OPA3: variants seen among roughly 807,000 people sequenced by gnomAD.
The protein encoded by OPA3 is outer mitochondrial membrane lipid metabolism regulator OPA3.
Under a neutral mutation model 4.0 loss-of-function variants are expected in OPA3, and 6 were observed. The ratio of observed to expected loss-of-function variants is 1.51; its 90% CI spans 0.83 to 2.99. OPA3 has a LOEUF of 2.99. Among genes scored for constraint, OPA3 ranks in the 30% most tolerant of loss-of-function variants. The pLI, the probability that OPA3 is intolerant of heterozygous loss-of-function variation, is 0.00. For missense variants in OPA3, 235 were observed against 256.2 expected (o/e 0.92, Z 0.56); for synonymous variants, 105 against 117.1 (o/e 0.90, Z 0.67).
Position 45,553,676 on chromosome 19 carries a change from CACCTCGTCCCGCA to C in OPA3, c.365_377del (p.Leu122ArgfsTer62). The C allele has an allele frequency of 6.2e-7, 1 of 1,605,148 alleles. No homozygotes were observed. Among genetic ancestry groups the C allele is most frequent in the Non-Finnish European group, 8.5e-7 (1 of 1,178,482 alleles). On this transcript the variant is annotated frameshift_variant, in exon 2 of 2. Transcript: ENST00000263275. LOFTEE classifies it low-confidence loss of function (END_TRUNC). ...CTTCCAGCGCCAGCGCCAGGTGGCC[CACCTCGTCCCGCA>C]GCGCGTTCCAGGCAGCACGCTGCTC...
At position 45,548,728 on chromosome 19, in the gene OPA3, C is replaced by T; in HGVS notation, c.*4786G>A. ...GGTCCATGTCCCGGTGCGGGACCACCTCAGTGAGTTTTTTGAGTGAAAGAA... is the reference window on the plus strand; with the variant it reads ...GGTCCATGTCCCGGTGCGGGACCACTTCAGTGAGTTTTTTGAGTGAAAGAA... On this transcript the variant is annotated 3_prime_UTR_variant, in exon 2 of 2. Transcript: ENST00000263275. The T allele has an allele frequency of 1.0e-6, 1 of 982,718 alleles. No individual in the cohort carries two copies. Among genetic ancestry groups the T allele is most frequent in the Non-Finnish European group, 1.2e-6 (1 of 827,812 alleles). 60.9% of individuals were successfully genotyped at this position (982,718 alleles called of 1,614,324 possible).
At chr19:45,580,059 C>G (rs773120557) in intron 1 of OPA3, among the ~76,000 whole-genome samples, 2 of 148,612 alleles carry the variant, frequency 1.3e-5, no homozygotes, top group African/African-American at 4.9e-5. Flanking sequence ...TGTAGTGGCA[C>G]GATCTCGGCT....
intron 1 of OPA3, among the ~76,000 whole-genome samples, chr19:45,562,343 CA>C (rs1218744939): frequency 7.8e-4 from 54 of 69,522 alleles, no homozygotes; most frequent in Admixed American, 1.5e-3. Flanking sequence ...GACTCCATCT[CA>C]AAAAAAAAAA....
chr19:45,528,955 A>G, exon 2 of OPA3: 1 of 1,402,660 alleles, frequency 7.1e-7, no homozygotes, highest in Admixed American at 2.2e-5. Context: ...GGGTGGTGTC[A>G]GCTGGGCCGG....
intron 1 of OPA3, among the ~76,000 whole-genome samples, chr19:45,537,281 C>A (rs1056808681): frequency 2.7e-5 from 4 of 150,458 alleles, no homozygotes; most frequent in African/African-American, 9.8e-5. Flanking sequence ...CTCCGCCTCC[C>A]AGCTACTCAG....
intron 1 of OPA3, among the ~76,000 whole-genome samples, chr19:45,560,849 C>T (rs1294939213): frequency 1.3e-5 from 2 of 152,148 alleles, no homozygotes; most frequent in East Asian, 1.9e-4. Flanking sequence ...GAGATTTCCC[C>T]GGGAAAGGAG....
chr19:45,584,391 G>A (rs1365637838), intron 1 of OPA3: 9 of 985,274 alleles, frequency 9.1e-6, no homozygotes, highest in Non-Finnish European at 1.1e-5. Flanking sequence ...TTCCTTTATC[G>A]GCTGGCATTT....
intron 1 of OPA3, among the ~76,000 whole-genome samples, chr19:45,535,762 CTT>C (rs370775683): frequency 1.6e-5 from 2 of 122,952 alleles, no homozygotes; most frequent in Non-Finnish European, 3.3e-5. Context: ...TTTTTCTTTT[CTT>C]TTTTTTTTTT....
At chr19:45,574,415 G>GAAAAAAAAAAAAAAAAAAAAAAA (rs1275323227) in intron 1 of OPA3, among the ~76,000 whole-genome samples, 1 of 125,928 alleles carries the variant, frequency 7.9e-6, no homozygotes, top group Non-Finnish European at 1.7e-5. Context: ...AAAAAAAAAA[G>GAAAAAAAAAAAAAAAAAAAAAAA]AAAAAAAAAA....
rs1969358714 is a variant in OPA3 at position 45,552,981 on chromosome 19, G to GT, written c.*532dup. The GT allele has an allele frequency of 7.1e-6, 7 of 992,046 alleles. No individual in the cohort carries two copies. The highest frequency in any genetic ancestry group is 8.4e-6 in the Non-Finnish European group (7 of 834,210). The allele number at this position is 992,046 out of a possible 1,614,324, so 61.5% of individuals were successfully genotyped here. A position where few individuals can be genotyped will look rare whatever the true frequency, so the allele number is the denominator to read the frequency against. On this transcript the variant is annotated 3_prime_UTR_variant, in exon 2 of 2. Transcript: ENST00000263275. ...GTGAGCCACCGCTCCCAGCCGCACC[G>GT]TTTTTTTCCTCCTTAAGAGAGCACT...
At chr19:45,579,484 G>C (rs1176546977) in intron 1 of OPA3, among the ~76,000 whole-genome samples, 2 of 152,068 alleles carry the variant, frequency 1.3e-5, no homozygotes, top group East Asian at 1.9e-4. Context: ...GCCTCCCAAA[G>C]TGCTGGGATT....
At chr19:45,545,180 A>AC (rs1491457641), downstream of OPA3, among the ~76,000 whole-genome samples, 14 of 138,724 alleles carry the variant, frequency 1.0e-4, no homozygotes, top group South Asian at 6.7e-4. Flanking sequence ...AAAAAAAAAC[A>AC]AAAAAACAAA....
In OPA3 at chr19:45,548,565, C is replaced by A. The variant is rs544881797; in HGVS notation, c.*4949G>T. 1 of 985,230 alleles carries A rather than the reference C, an allele frequency of 1.0e-6. No homozygotes were observed. The highest frequency in any genetic ancestry group is 1.2e-6 in the Non-Finnish European group (1 of 829,948). The allele number at this position is 985,230 out of a possible 1,614,324, so 61.0% of individuals were successfully genotyped here. A position where few individuals can be genotyped will look rare whatever the true frequency, so the allele number is the denominator to read the frequency against. ...TGTGAGCATCTGTAAGACCCGGTGA[C>A]GGCAGGGCTGGGGCTGTCTCTGTCA... On this transcript the variant is annotated 3_prime_UTR_variant, in exon 2 of 2. Transcript: ENST00000263275.
chr19:45,561,958 T>C (rs998838434), intron 1 of OPA3, among the ~76,000 whole-genome samples: 15 of 147,448 alleles, frequency 1.0e-4, no homozygotes, highest in Non-Finnish European at 2.0e-4. Context: ...AATAAATAAA[T>C]AAATAATAAA....
At chr19:45,584,448 G>A (rs1217014444) in intron 1 of OPA3, 175 bp downstream of exon 1, 15 of 822,442 alleles carry the variant, frequency 1.8e-5, no homozygotes, top group African/African-American at 3.9e-5. Context: ...GCCCCGCCCC[G>A]CCCTCACTAC....
At chr19:45,582,804 C>G (rs368509267) in intron 1 of OPA3, among the ~76,000 whole-genome samples, 2 of 152,068 alleles carry the variant, frequency 1.3e-5, no homozygotes, top group African/African-American at 4.8e-5. Context: ...GAATCTTGTA[C>G]CCTCCAGCTG....
At chr19:45,571,261 AG>A (rs565778443) in intron 1 of OPA3, among the ~76,000 whole-genome samples, 9 of 152,118 alleles carry the variant, frequency 5.9e-5, no homozygotes, top group Non-Finnish European at 1.2e-4. Context: ...CTCTTGCCTC[AG>A]TCTCCCAAGT....
In OPA3 at chr19:45,547,704, C is replaced by CT. The variant is rs58766088; in HGVS notation, c.*5809dup. 2,782 of 149,280 alleles carry CT rather than the reference C, an allele frequency of 0.019. 66 individuals are homozygous for CT. The highest frequency in any genetic ancestry group is 0.058 in the African/African-American group (2,364 of 40,748). The allele number at this position is 149,280 out of a possible 1,614,324, so 9.2% of individuals were successfully genotyped here. Reference sequence around the variant, plus strand: ...CACCCTATGCTGGATTAGCTTTTTCCTTTTTTTTTTGAGATGGAGTCTCGT... The same window carrying CT: ...CACCCTATGCTGGATTAGCTTTTTCCTTTTTTTTTTTGAGATGGAGTCTCGT... On this transcript the variant is annotated 3_prime_UTR_variant, in exon 2 of 2. Transcript: ENST00000263275.
intron 1 of OPA3, among the ~76,000 whole-genome samples, chr19:45,565,561 C>T (rs1024897096): frequency 1.8e-4 from 28 of 152,102 alleles, no homozygotes; most frequent in African/African-American, 6.5e-4. Context: ...ACCTGGGAGG[C>T]GGAGGTTGTG....
Sources: allele counts gnomAD v4.1 joint callset (sites outside exome capture counted in the v4.1 genomes callset), GRCh38; gene constraint gnomAD v4.1.1; transcripts MANE v1.5; gene names NCBI Gene and HGNC (gene_info 2026-07-23, HGNC 2026-07-21).